SELENOT: variants seen among roughly 807,000 people sequenced by gnomAD.
SELENOT encodes the protein thioredoxin reductase-like selenoprotein T.
Under a neutral mutation model 24.3 loss-of-function variants are expected in SELENOT, and 9 were observed. The ratio of observed to expected loss-of-function variants is 0.37; its 90% CI spans 0.22 to 0.65. SELENOT has a LOEUF of 0.65. Ranked by LOEUF, SELENOT falls within the 30% of genes least tolerant of loss-of-function variation. The pLI, the probability that SELENOT is intolerant of heterozygous loss-of-function variation, is 0.60. For synonymous variants in SELENOT, 81 were observed against 86.0 expected, an observed-to-expected ratio of 0.94 and a Z score of 0.32; for missense variants, 166 against 247.6, an observed-to-expected ratio of 0.67 and a Z score of 2.21.
Position 150,604,122 on chromosome 3 carries a change from A to G in SELENOT, c.137+623A>G, listed in dbSNP as rs1031888411. The stretch of plus-strand genomic sequence containing the variant: ...TTCTGTTTGCCATTTCCAAAGTGTC[A>G]GAAAAGGAGCACGTTGTTCTTCTAA... On this transcript the variant is annotated intron_variant, in intron 1 of 5. Coordinates refer to ENST00000471696, the MANE Select transcript of SELENOT (RefSeq NM_016275.5). Among the ~76,000 whole-genome samples the G allele has an allele frequency of 3.3e-5, 5 of 152,216 alleles. No homozygotes were observed. The East Asian group carries it at 9.6e-4, about 29-fold the overall frequency.
At chr3:150,622,709 C>T (rs1726369024) in intron 2 of SELENOT, among the ~76,000 whole-genome samples, 1 of 151,830 alleles carries the variant, frequency 6.6e-6, no homozygotes, top group South Asian at 2.1e-4. Context: ...GATGGCAACC[C>T]TTCTAAAGAT....
chr3:150,623,229 A>C, intron 3 of SELENOT, 60 bp downstream of exon 3: 1 of 1,379,760 alleles, frequency 7.2e-7, no homozygotes, highest in Non-Finnish European at 9.6e-7. Context: ...AAATATTCTA[A>C]TAGATTTTCT....
intron 1 of SELENOT, among the ~76,000 whole-genome samples, chr3:150,613,019 C>T (rs1726130406): frequency 6.6e-6 from 1 of 152,124 alleles, no homozygotes; most frequent in Admixed American, 6.5e-5. Context: ...TTTACTGTAC[C>T]TTCTTGAAGA....
chr3:150,610,681 C>G (rs1407883317), intron 1 of SELENOT, among the ~76,000 whole-genome samples: 2 of 152,166 alleles, frequency 1.3e-5, no homozygotes, highest in East Asian at 3.8e-4. Context: ...GTATTTGTCT[C>G]TCTGAAATTA....
intron 1 of SELENOT, among the ~76,000 whole-genome samples, chr3:150,606,523 G>GA (rs1349916860): frequency 1.3e-5 from 2 of 151,650 alleles, no homozygotes; most frequent in African/African-American, 4.9e-5. Flanking sequence ...TTCATACTTG[G>GA]AAAAAAATTT....
chr3:150,627,313 AAG>A, intron 5 of SELENOT, 150 bp downstream of exon 5: 1 of 656,584 alleles, frequency 1.5e-6, no homozygotes, highest in African/African-American at 1.8e-5. Flanking sequence ...GAAGTGTATG[AAG>A]AGAGTTCGGC....
At chr3:150,626,300 A>T (rs1238837811) in intron 4 of SELENOT, among the ~76,000 whole-genome samples, 1 of 152,178 alleles carries the variant, frequency 6.6e-6, no homozygotes, top group Non-Finnish European at 1.5e-5. Flanking sequence ...GCTCTGCATG[A>T]TCTATTTCAG....
intron 1 of SELENOT, among the ~76,000 whole-genome samples, chr3:150,607,707 G>A (rs1725997803): frequency 6.6e-6 from 1 of 152,192 alleles, no homozygotes; most frequent in Admixed American, 6.5e-5. Context: ...GATTTATTTG[G>A]CGAGAACTTT....
chr3:150,623,625 C>T (rs1726385422), intron 3 of SELENOT, among the ~76,000 whole-genome samples: 1 of 151,994 alleles, frequency 6.6e-6, no homozygotes. Context: ...TCCTTTGCCT[C>T]TTCTGTTTAT....
At chr3:150,607,340 T>G (rs533984583) in intron 1 of SELENOT, among the ~76,000 whole-genome samples, 1 of 152,298 alleles carries the variant, frequency 6.6e-6, no homozygotes, top group African/African-American at 2.4e-5. Context: ...AGACCTAAGG[T>G]TGATTTGGAT....
Position 150,604,668 on chromosome 3 carries a change from G to GT in SELENOT, c.137+1172dup, listed in dbSNP as rs201263848. 2.8e-4 allele frequency among the ~76,000 whole-genome samples: 42 copies of GT among 152,340 alleles called. 1 individual carries two copies. In the East Asian group the frequency reaches 5.6e-3, roughly 20 times the overall value. ...TTTTTAAAAATCGGCTTAAGGTGATGTTTGAGTTAGAAAATAAGATGGTGA... is the reference window on the plus strand; with the variant it reads ...TTTTTAAAAATCGGCTTAAGGTGATGTTTTGAGTTAGAAAATAAGATGGTGA... On this transcript the variant is annotated intron_variant, in intron 1 of 5. Transcript: ENST00000471696.
At chr3:150,613,662 G>GA (rs1226259931) in intron 1 of SELENOT, among the ~76,000 whole-genome samples, 4 of 130,742 alleles carry the variant, frequency 3.1e-5, no homozygotes, top group Non-Finnish European at 3.2e-5. Flanking sequence ...CAGAAGATGG[G>GA]AACTTTTTTT....
intron 2 of SELENOT, among the ~76,000 whole-genome samples, 197 bp from the exon 3 acceptor site, chr3:150,622,846 T>C (rs1726370826): frequency 1.3e-5 from 2 of 152,220 alleles, no homozygotes; most frequent in South Asian, 4.1e-4. Flanking sequence ...TATAAATTTG[T>C]AGGTTAATTT....
Position 150,623,140 on chromosome 3 carries a change from A to G in SELENOT, c.346A>G (p.Ser116Gly). The change falls in exon 3 of 6, where the codon AGC (serine) becomes GGC (glycine). Residue 116 changes from serine to glycine, a missense_variant. This residue lies in a region of SELENOT where 71 missense variants were observed against 89.2 expected (regional missense o/e 0.80). Transcript: ENST00000471696. ...PFAFFGMQAP[S>G]IWQWGQENKV... is the part of the protein sequence containing the mutation. ...TGCTTTCTTTGGCATGCAAGCTCCT[A>G]GCATCTGGCAGTGGGGCCAAGAAAA... The G allele has an allele frequency of 6.2e-7, 1 of 1,605,172 alleles. No homozygotes were observed. The highest frequency in any genetic ancestry group is 1.3e-5 in the African/African-American group (1 of 74,760).
At chr3:150,607,600 G>T (rs1014624174) in intron 1 of SELENOT, among the ~76,000 whole-genome samples, 9 of 152,234 alleles carry the variant, frequency 5.9e-5, no homozygotes, top group Admixed American at 2.0e-4. Flanking sequence ...GTTAAGTGCT[G>T]TGAAGAAAGA....
chr3:150,617,836 T>TGG (rs1387446770), intron 1 of SELENOT, among the ~76,000 whole-genome samples: 1 of 124,460 alleles, frequency 8.0e-6, no homozygotes, highest in Non-Finnish European at 1.7e-5. Flanking sequence ...TGCAACTGTT[T>TGG]TTGTTTGGTT....
At position 150,630,293 on chromosome 3, in the gene SELENOT, T is replaced by C. The variant is rs1024434570; in HGVS notation, c.*2664T>C. ...CAGAATTTAATTTAGATTTCAAAAA[T>C]AGCTTACAGGATTTTAAACATGGTG... On this transcript the variant is annotated 3_prime_UTR_variant, in exon 6 of 6. Transcript: ENST00000471696. 1 of 152,186 alleles carries C rather than the reference T, an allele frequency of 6.6e-6. No individual in the cohort carries two copies. Among genetic ancestry groups the C allele is most frequent in the African/African-American group, 2.4e-5 (1 of 41,440 alleles). The allele number at this position is 152,186 out of a possible 1,614,324, so 9.4% of individuals were successfully genotyped here. A position where few individuals can be genotyped will look rare whatever the true frequency, so the allele number is the denominator to read the frequency against.
intron 1 of SELENOT, among the ~76,000 whole-genome samples, chr3:150,605,904 C>T (rs892042651): frequency 2.6e-5 from 4 of 152,204 alleles, no homozygotes; most frequent in African/African-American, 9.6e-5. Context: ...TGCAGCTTTT[C>T]ATTAATTACC....
intron 1 of SELENOT, among the ~76,000 whole-genome samples, chr3:150,607,477 A>C (rs941356322): frequency 3.9e-5 from 6 of 152,250 alleles, no homozygotes; most frequent in Non-Finnish European, 8.8e-5. Context: ...TACTCTGTGC[A>C]GGCACTTTGC....
Sources: allele counts gnomAD v4.1 joint callset (sites outside exome capture counted in the v4.1 genomes callset), GRCh38; gene constraint gnomAD v4.1.1; regional missense constraint gnomAD v4.1.1; transcripts MANE v1.5; gene names NCBI Gene and HGNC (gene_info 2026-07-23, HGNC 2026-07-21).